The following BNIP1 variants were observed in gnomAD, a reference collection of about 807,000 sequenced individuals.
BNIP1 encodes BCL2 interacting protein 1, also known as vesicle transport protein SEC20.
BNIP1 carries 25 observed loss-of-function variants against 28.5 expected under a neutral mutation model. The ratio of observed to expected loss-of-function variants is 0.88; its 90% CI spans 0.64 to 1.23. The LOEUF (loss-of-function observed/expected upper bound fraction) is 1.23. BNIP1 is among the 50% of genes most tolerant of loss of function. The pLI, the probability that BNIP1 is intolerant of heterozygous loss-of-function variation, is 0.00. For synonymous variants in BNIP1, 118 were observed against 101.7 expected, an observed-to-expected ratio of 1.16 and a Z score of -0.96; for missense variants, 276 against 277.0, an observed-to-expected ratio of 1.00 and a Z score of 0.02.
chr5:173,158,151 G>A, intron 3 of BNIP1, among the ~76,000 whole-genome samples: 1 of 151,972 alleles, frequency 6.6e-6, no homozygotes, highest in East Asian at 1.9e-4. Context: ...GGCTGGTCTT[G>A]AACTCCTGGG....
chr5:173,148,746 T>C (rs1437398651), intron 2 of BNIP1, among the ~76,000 whole-genome samples: 1 of 122,094 alleles, frequency 8.2e-6, no homozygotes, highest in African/African-American at 2.7e-5. Context: ...GCAGTTGCTT[T>C]ATATTGTTCA....
chr5:173,160,059 TGG>T lies in BNIP1; in HGVS notation c.490+10_490+11del, dbSNP rs1257929664. 1.2e-6 allele frequency: 2 copies of T among 1,612,484 alleles called. No individual in the cohort carries two copies. The highest frequency in any genetic ancestry group is 2.2e-5 in the South Asian group (2 of 90,972). The stretch of plus-strand genomic sequence containing the variant: ...AGGCCATGCAGTCTCTAGGTAAAGC[TGG>T]GCCTGGAGTAGGAAGCTTCTCCCAG... On this transcript the variant is annotated intron_variant, in intron 5 of 5. Coordinates refer to ENST00000351486, the MANE Select transcript of BNIP1 (RefSeq NM_001205.3).
intron 1 of BNIP1, among the ~76,000 whole-genome samples, chr5:173,146,182 T>C (rs1581066312): frequency 1.3e-5 from 2 of 152,348 alleles, no homozygotes; most frequent in South Asian, 2.1e-4. Context: ...ACATAATCTA[T>C]GATGTTCTAT....
Position 173,163,423 on chromosome 5 carries a change from G to A in BNIP1, c.491-302G>A, listed in dbSNP as rs79552064. On this transcript the variant is annotated intron_variant, in intron 5 of 5. Coordinates refer to ENST00000351486, the MANE Select transcript of BNIP1 (RefSeq NM_001205.3). ...GTGGCTGGTGGTTTCCCTGAGCAGC[G>A]TCCATCTGCTTCAGAGAGCTGAGGA... Among the ~76,000 whole-genome samples the A allele has an allele frequency of 7.2e-4, 110 of 152,290 alleles. 1 individual carries two copies. Among genetic ancestry groups the A allele is most frequent in the Non-Finnish European group, 1.3e-3 (90 of 68,018 alleles).
At chr5:173,145,160 C>G (rs892386334) in intron 1 of BNIP1, 1 of 155,236 alleles carries the variant, frequency 6.4e-6, no homozygotes, top group Non-Finnish European at 1.4e-5. Context: ...GGCGCCAAGG[C>G]CTAGGTTAGA....
At chr5:173,160,932 C>T (rs1044183947) in intron 5 of BNIP1, 7 of 454,414 alleles carry the variant, frequency 1.5e-5, no homozygotes, top group African/African-American at 1.4e-4. Context: ...AGAAGAGTAT[C>T]AGCCCTCTCC....
rs148654994 is a variant in BNIP1, at chr5:173,151,569, G to A, written c.178-2753G>A. ...TCATTTTTTTTTTTTTTTTTAGCCA[G>A]TTCTCTATCAAAGGGCATTTATTTG... On this transcript the variant is annotated intron_variant, in intron 2 of 5. Transcript: ENST00000351486. 421 of 1,577,922 alleles carry A rather than the reference G, an allele frequency of 2.7e-4. 1 individual carries two copies. In the African/African-American group the frequency reaches 5.5e-3, roughly 21 times the overall value.
intron 3 of BNIP1, 105 bp downstream of exon 3, chr5:173,154,518 T>A: frequency 1.2e-6 from 1 of 866,678 alleles, no homozygotes; most frequent in Non-Finnish European, 1.7e-6. Context: ...GCTGACTTAA[T>A]GGTGTCTTTT....
At position 173,148,062 on chromosome 5, in the gene BNIP1, CA is replaced by C. The variant is rs1167169755; in HGVS notation, c.177+1126del. 9.4e-3 allele frequency among the ~76,000 whole-genome samples: 42 copies of C among 4,484 alleles called. 2 individuals are homozygous for C. Among genetic ancestry groups the C allele is most frequent in the South Asian group, 0.043 (2 of 46 alleles). 2.9% of individuals were successfully genotyped at this position (4,484 alleles called of 152,430 possible). A position where few individuals can be genotyped will look rare whatever the true frequency, so the allele number is the denominator to read the frequency against. ...TTGGTGACAGAGCAAGACTCTGTGT[CA>C]AAAAAAAAAAAAAAAAAAAAATATA... On this transcript the variant is annotated intron_variant, in intron 2 of 5. Coordinates refer to ENST00000351486, the MANE Select transcript of BNIP1 (RefSeq NM_001205.3).
chr5:173,154,461 T>A, intron 3 of BNIP1, 48 bp downstream of exon 3: 1 of 1,478,030 alleles, frequency 6.8e-7, no homozygotes. Context: ...CTCTTCTTGT[T>A]GCCTGTGAGC....
chr5:173,152,146 C>T (rs1760041120), intron 2 of BNIP1, among the ~76,000 whole-genome samples: 1 of 152,300 alleles, frequency 6.6e-6, no homozygotes, highest in African/African-American at 2.4e-5. Context: ...TTCCTTTCTC[C>T]AGAACTATCA....
chr5:173,158,949 A>G (rs913593389), intron 4 of BNIP1, 104 bp downstream of exon 4: 10 of 738,036 alleles, frequency 1.4e-5, no homozygotes, highest in African/African-American at 5.5e-5. Context: ...ATTTAATTAC[A>G]TAAGTAATTT....
chr5:173,145,666 T>G (rs949238684), intron 1 of BNIP1, among the ~76,000 whole-genome samples: 28 of 152,206 alleles, frequency 1.8e-4, no homozygotes, highest in South Asian at 6.2e-4. Context: ...GCCTCCCAAA[T>G]TGCTGGGATT....
intron 2 of BNIP1, chr5:173,151,563 T>C: frequency 6.3e-7 from 1 of 1,584,178 alleles, no homozygotes; most frequent in Non-Finnish European, 8.5e-7. Context: ...TTTTTTTTTT[T>C]AGCCAGTTCT....
chr5:173,148,142 A>T (rs1320424754), intron 2 of BNIP1, among the ~76,000 whole-genome samples: 1 of 107,096 alleles, frequency 9.3e-6, no homozygotes. Flanking sequence ...ATATATTTTA[A>T]TAGAGATGGA....
intron 5 of BNIP1, among the ~76,000 whole-genome samples, chr5:173,160,566 C>G (rs1402243849): frequency 6.6e-6 from 1 of 152,108 alleles, no homozygotes; most frequent in Non-Finnish European, 1.5e-5. Context: ...CCCCACACCC[C>G]CATCGATGTT....
At chr5:173,160,098 T>G (rs1397427628) in intron 5 of BNIP1, 47 bp downstream of exon 5, 1 of 1,563,572 alleles carries the variant, frequency 6.4e-7, no homozygotes, top group East Asian at 2.2e-5. Context: ...GACGCTGCTC[T>G]AGGGCCCTTG....
Position 173,160,031 on chromosome 5 carries a change from A to ACAGCATACCCCCCGCTAACAGGTAAAGCT in BNIP1, c.470_471insCAGCATACCCCCCGCTAACAGGTAAAGCT (p.Glu157AspfsTer9). ...ATGGCCCAGCAGGTCCAGCAGAGCG[A>ACAGCATACCCCCCGCTAACAGGTAAAGCT]GGAGGCCATGCAGTCTCTAGGTAAA... On this transcript the variant is annotated stop_gained and frameshift_variant, in exon 5 of 6. Coordinates refer to ENST00000351486, the MANE Select transcript of BNIP1 (RefSeq NM_001205.3). LOFTEE classifies it high-confidence loss of function. The ACAGCATACCCCCCGCTAACAGGTAAAGCT allele has an allele frequency of 6.2e-7, 1 of 1,614,028 alleles. No individual in the cohort carries two copies. Among genetic ancestry groups the ACAGCATACCCCCCGCTAACAGGTAAAGCT allele is most frequent in the East Asian group, 2.2e-5 (1 of 44,874 alleles).
intron 2 of BNIP1, chr5:173,151,523 T>C (rs745812993): frequency 1.9e-6 from 3 of 1,578,668 alleles, no homozygotes; most frequent in Non-Finnish European, 1.7e-6. Flanking sequence ...ACCTGGTCTC[T>C]CATTCTTTTC....
Sources: gnomAD v4.1 joint callset for allele counts (sites outside exome capture counted in the v4.1 genomes callset) on GRCh38, gnomAD v4.1.1 for gene constraint, MANE v1.5 for transcripts, NCBI Gene and HGNC (gene_info 2026-07-23, HGNC 2026-07-21) for gene names.